COPZ2: variants seen among roughly 807,000 people sequenced by gnomAD.
The protein encoded by COPZ2 is coatomer subunit zeta-2.
A neutral mutation model predicts 33.2 loss-of-function variants in COPZ2; 30 were observed. The observed-to-expected ratio is 0.90, with a 90% CI of 0.68 to 1.23. The LOEUF is 1.23. Among genes scored for constraint, COPZ2 ranks in the 50% most tolerant of loss-of-function variants. The pLI is 0.00. For synonymous variants in COPZ2, 89 were observed against 102.6 expected (o/e 0.87, Z 0.80); for missense variants, 263 against 262.4 (o/e 1.00, Z -0.02).
At chr17:48,042,651 G>A (rs545072709), upstream of COPZ2, among the ~76,000 whole-genome samples, 47 of 151,460 alleles carry the variant, frequency 3.1e-4, no homozygotes, top group African/African-American at 1.0e-3. Flanking sequence ...TAGTAGAGAC[G>A]GGGTTTCACC....
chr17:48,037,050 C>G lies in COPZ2; in HGVS notation c.112-125G>C, dbSNP rs975938615. The G allele has an allele frequency of 2.3e-6, 2 of 886,786 alleles. No homozygotes were observed. Among genetic ancestry groups the G allele is most frequent in the African/African-American group, 3.3e-5 (2 of 60,986 alleles). The allele number at this position is 886,786 out of a possible 1,614,324, so 54.9% of individuals were successfully genotyped here. A position where few individuals can be genotyped will look rare whatever the true frequency, so the allele number is the denominator to read the frequency against. On this transcript the variant is annotated intron_variant, in intron 1 of 8. Transcript: ENST00000621465. This position sits in a 1 kb window ranked among gnomAD's most constrained non-coding sequence, Gnocchi z 5.6. The stretch of plus-strand genomic sequence containing the variant: ...CAACCCCAGTCCTCAAGGTCCACAG[C>G]TGGTTCTGCCCAGCCCTGTGCCACA...
At chr17:48,042,465 T>A (rs2037071660), upstream of COPZ2, among the ~76,000 whole-genome samples, 1 of 150,518 alleles carries the variant, frequency 6.6e-6, no homozygotes. Context: ...TCTCTTTACA[T>A]CTTTTCTTTT....
Position 48,037,239 on chromosome 17 carries a change from G to C in COPZ2, c.112-314C>G, listed in dbSNP as rs754250993. On this transcript the variant is annotated intron_variant, in intron 1 of 8. Transcript: ENST00000621465. This position sits in a 1 kb window ranked among gnomAD's most constrained non-coding sequence, Gnocchi z 5.6. ...GGAGTGTATCACAGAACCTGGGCCGGGGGGGACAGCGGGCCGAGCCTCCTT... is the reference window on the plus strand; with the variant it reads ...GGAGTGTATCACAGAACCTGGGCCGCGGGGGACAGCGGGCCGAGCCTCCTT... The C allele has an allele frequency of 3.2e-5, 19 of 601,834 alleles. No individual in the cohort carries two copies. Among genetic ancestry groups the C allele is most frequent in the African/African-American group, 2.4e-4 (13 of 53,806 alleles). The allele number at this position is 601,834 out of a possible 1,614,324, so 37.3% of individuals were successfully genotyped here. A position where few individuals can be genotyped will look rare whatever the true frequency, so the allele number is the denominator to read the frequency against.
chr17:48,041,369 T>A (rs1304023264), upstream of COPZ2, among the ~76,000 whole-genome samples: 1 of 152,128 alleles, frequency 6.6e-6, no homozygotes, highest in Non-Finnish European at 1.5e-5. Flanking sequence ...AGATATTATA[T>A]GAGTTGGGGA....
chr17:48,037,000 C>T, intron 1 of COPZ2, 75 bp from the exon 2 acceptor site: 1 of 1,308,616 alleles, frequency 7.6e-7, no homozygotes, highest in Non-Finnish European at 1.1e-6. Context: ...ATCTGCTGGC[C>T]CTAGGATACA....
intron 4 of COPZ2, 176 bp from the exon 5 acceptor site, chr17:48,032,917 A>G: frequency 1.6e-6 from 1 of 619,114 alleles, no homozygotes; most frequent in East Asian, 2.8e-5. Flanking sequence ...GGGAAACTGG[A>G]GTTCTCCACT....
chr17:48,042,005 C>T (rs775048764), upstream of COPZ2, among the ~76,000 whole-genome samples: 2 of 151,852 alleles, frequency 1.3e-5, no homozygotes, highest in Non-Finnish European at 2.9e-5. Flanking sequence ...CAGTTATACA[C>T]GTTAGGGATG....
chr17:48,037,111 GA>G lies in COPZ2; in HGVS notation c.112-187del, dbSNP rs1567743599. 1.3e-6 allele frequency: 1 copy of G among 772,192 alleles called. No individual in the cohort carries two copies. The highest frequency in any genetic ancestry group is 2.4e-6 in the Non-Finnish European group (1 of 415,714). The allele number at this position is 772,192 out of a possible 1,614,324, so 47.8% of individuals were successfully genotyped here. ...CAGGTGCCCACTCCACTCCCAGGCAGATGTTCCACTGCAGGCCCCGAGTGGG... is the reference window on the plus strand; with the variant it reads ...CAGGTGCCCACTCCACTCCCAGGCAGTGTTCCACTGCAGGCCCCGAGTGGG... On this transcript the variant is annotated intron_variant, in intron 1 of 8. Coordinates refer to ENST00000621465, the MANE Select transcript of COPZ2 (RefSeq NM_016429.4). The surrounding 1 kb of genome is among the most constrained non-coding windows in gnomAD (Gnocchi z 5.6).
Position 48,028,725 on chromosome 17 carries a change from GAAGATGGGAAGA to G in COPZ2, c.547-227_547-216del, listed in dbSNP as rs771357864. On this transcript the variant is annotated intron_variant, in intron 7 of 8. Coordinates refer to ENST00000621465, the MANE Select transcript of COPZ2 (RefSeq NM_016429.4). The surrounding 1 kb of genome is among the most constrained non-coding windows in gnomAD (Gnocchi z 4.5). Reference sequence around the variant, plus strand: ...GTGCTATGGTGCGTGGAGGGTGAGGGAAGATGGGAAGAAAGATGGGAAGAAAGGTTTCATCCA... The same window carrying G: ...GTGCTATGGTGCGTGGAGGGTGAGGGAAGATGGGAAGAAAGGTTTCATCCA... Among the ~76,000 whole-genome samples, 6 of 152,030 alleles carry G rather than the reference GAAGATGGGAAGA, an allele frequency of 3.9e-5. No homozygotes were observed. The highest frequency in any genetic ancestry group is 2.0e-4 in the Admixed American group (3 of 15,270).
chr17:48,029,277 C>A, intron 6 of COPZ2, 101 bp from the exon 7 acceptor site: 1 of 1,014,700 alleles, frequency 9.9e-7, no homozygotes, highest in Non-Finnish European at 1.5e-6. Flanking sequence ...AGGCATCCTG[C>A]AACATCTCCA....
upstream of COPZ2, among the ~76,000 whole-genome samples, chr17:48,042,752 G>T (rs944322593): frequency 6.6e-6 from 1 of 152,194 alleles, no homozygotes; most frequent in East Asian, 1.9e-4. Context: ...GTAAGCCACC[G>T]TGCCTGGCCC....
At chr17:48,033,135 C>T in intron 4 of COPZ2, 76 bp downstream of exon 4, 1 of 1,046,244 alleles carries the variant, frequency 9.6e-7, no homozygotes. Context: ...CAGGTCCCAG[C>T]CTCAAGCCCA....
chr17:48,033,461 G>A (rs2036930019), intron 3 of COPZ2, among the ~76,000 whole-genome samples, 159 bp from the exon 4 acceptor site: 1 of 152,130 alleles, frequency 6.6e-6, no homozygotes, highest in Non-Finnish European at 1.5e-5. Flanking sequence ...AGGCAGCCCC[G>A]TGTCCTTCCC....
chr17:48,040,109 G>A (rs113187178), upstream of COPZ2, among the ~76,000 whole-genome samples: 22,115 of 147,464 alleles, frequency 0.15, 2,144 homozygotes, highest in Non-Finnish European at 0.21. Context: ...CCAAGAGAGC[G>A]AGAACCTGCT....
chr17:48,031,973 A>G, intron 6 of COPZ2, 183 bp downstream of exon 6: 1 of 614,940 alleles, frequency 1.6e-6, no homozygotes, highest in South Asian at 1.9e-5. Context: ...ATTGAAATCA[A>G]CTTCTATCTT....
rs71935471 is a variant in COPZ2, at chr17:48,030,289, AACACAC to A, written c.495-1119_495-1114del. Reference sequence around the variant, plus strand: ...GCGACAGAGTGAGACTCCATCTCAAAACACACACACACACACACACACACACACACA... The same window carrying A: ...GCGACAGAGTGAGACTCCATCTCAAAACACACACACACACACACACACACA... On this transcript the variant is annotated intron_variant, in intron 6 of 8. Coordinates refer to ENST00000621465, the MANE Select transcript of COPZ2 (RefSeq NM_016429.4). Among the ~76,000 whole-genome samples the A allele has an allele frequency of 5.4e-3, 688 of 128,376 alleles. 3 individuals carry two copies. Among genetic ancestry groups the A allele is most frequent in the African/African-American group, 0.014 (507 of 37,336 alleles). The allele number at this position is 128,376 out of a possible 152,430, so 84.2% of individuals were successfully genotyped here.
At position 48,028,392 on chromosome 17, in the gene COPZ2, C is replaced by T. The variant is rs926294022; in HGVS notation, c.585+80G>A. 3 of 1,367,090 alleles carry T rather than the reference C, an allele frequency of 2.2e-6. No individual in the cohort carries two copies. The highest frequency in any genetic ancestry group is 4.6e-5 in the Admixed American group (2 of 43,664). The allele number at this position is 1,367,090 out of a possible 1,614,324, so 84.7% of individuals were successfully genotyped here. On this transcript the variant is annotated intron_variant, in intron 8 of 8. Transcript: ENST00000621465. The surrounding 1 kb of genome is among the most constrained non-coding windows in gnomAD (Gnocchi z 4.5). ...TCAGACTTGATAACTTCACTGGGTC[C>T]CCCTAGGATGCTCTAGGATGCTCTG...
upstream of COPZ2, among the ~76,000 whole-genome samples, chr17:48,038,251 A>C (rs1199065856): frequency 6.6e-6 from 1 of 152,084 alleles, no homozygotes; most frequent in Non-Finnish European, 1.5e-5. Flanking sequence ...AGTTCTGGGG[A>C]CACCCCTCTG....
At chr17:48,047,117 A>C in the COPZ2 span, 1 of 152,222 alleles carries the variant, frequency 6.6e-6, no homozygotes. Flanking sequence ...ACCCCAAATT[A>C]AGCCCCTAAC....
Sources: allele counts gnomAD v4.1 joint callset (sites outside exome capture counted in the v4.1 genomes callset), GRCh38; gene constraint gnomAD v4.1.1; non-coding constraint Gnocchi (gnomAD v3.1); transcripts MANE v1.5; gene names NCBI Gene and HGNC (gene_info 2026-07-23, HGNC 2026-07-21).